CEP170: variants seen among roughly 807,000 people sequenced by gnomAD.
The protein encoded by CEP170 is centrosomal protein 170, also known as centrosomal protein of 170 kDa.
A neutral mutation model predicts 151.9 loss-of-function variants in CEP170; 21 were observed. The observed-to-expected ratio is 0.14, with a 90% CI of 0.10 to 0.20. The LOEUF is 0.20. CEP170 is among the 10% of genes least tolerant of loss of function. The pLI, the probability that CEP170 is intolerant of heterozygous loss-of-function variation, is 1.00. For synonymous variants in CEP170, 356 were observed against 648.8 expected (o/e 0.55, Z 6.86); for missense variants, 964 against 1,892.9 (o/e 0.51, Z 9.11).
chr1:243,221,063 C>A (rs185593576), intron 3 of CEP170, among the ~76,000 whole-genome samples: 1 of 152,016 alleles, frequency 6.6e-6, no homozygotes, highest in Non-Finnish European at 1.5e-5. Context: ...CTTGTTCTGT[C>A]GCCCAGGCTG....
chr1:243,137,731 C>T (rs1389384056), intron 16 of CEP170, among the ~76,000 whole-genome samples: 1 of 150,344 alleles, frequency 6.7e-6, no homozygotes, highest in Non-Finnish European at 1.5e-5. Context: ...GCGGAGATAG[C>T]ACCACTGCCC....
intron 3 of CEP170, among the ~76,000 whole-genome samples, chr1:243,212,906 A>G (rs1229846307): frequency 6.6e-6 from 1 of 152,062 alleles, no homozygotes; most frequent in Non-Finnish European, 1.5e-5. Flanking sequence ...CTCAAATGAT[A>G]TGCCCACTTT....
At chr1:243,189,420 G>A (rs1375821859) in intron 8 of CEP170, among the ~76,000 whole-genome samples, 1 of 151,890 alleles carries the variant, frequency 6.6e-6, no homozygotes, top group Admixed American at 6.6e-5. Context: ...GCCGGGTGTG[G>A]TGGTGGGCGC....
intron 4 of CEP170, among the ~76,000 whole-genome samples, chr1:243,202,886 G>A (rs767571720): frequency 2.6e-5 from 4 of 152,070 alleles, no homozygotes; most frequent in African/African-American, 4.8e-5. Flanking sequence ...GAGGGTTTTC[G>A]GGTGCTTCAA....
chr1:243,206,429 G>A (rs1394692415), intron 4 of CEP170, among the ~76,000 whole-genome samples: 3 of 152,328 alleles, frequency 2.0e-5, no homozygotes, highest in East Asian at 1.9e-4. Context: ...CACCATGCCC[G>A]GCCAATATTA....
chr1:243,247,974 C>G (rs958038192), intron 1 of CEP170, among the ~76,000 whole-genome samples: 14 of 152,178 alleles, frequency 9.2e-5, no homozygotes, highest in African/African-American at 3.4e-4. Context: ...TAAATTCTTC[C>G]TATGAAACAG....
intron 1 of CEP170, among the ~76,000 whole-genome samples, chr1:243,252,869 C>A (rs2066068222): frequency 6.6e-6 from 1 of 151,920 alleles, no homozygotes; most frequent in African/African-American, 2.4e-5. Context: ...CACTTTATGG[C>A]AAAATCAACC....
intron 1 of CEP170, among the ~76,000 whole-genome samples, chr1:243,228,012 T>C (rs2063444322): frequency 6.6e-6 from 1 of 152,186 alleles, no homozygotes. Flanking sequence ...AAAATAAGAA[T>C]AATGTCAGTT....
intron 1 of CEP170, among the ~76,000 whole-genome samples, chr1:243,228,909 A>C (rs2149044342): frequency 6.6e-6 from 1 of 152,272 alleles, no homozygotes; most frequent in South Asian, 2.1e-4. Flanking sequence ...TACAAACAAA[A>C]CACATTAATA....
chr1:243,245,074 G>A (rs1413857745), intron 1 of CEP170, among the ~76,000 whole-genome samples: 1 of 152,158 alleles, frequency 6.6e-6, no homozygotes, highest in Non-Finnish European at 1.5e-5. Context: ...GAGGGAAGCA[G>A]GGTGATACAA....
At chr1:243,207,570 T>G (rs576931611) in intron 4 of CEP170, among the ~76,000 whole-genome samples, 67 of 151,828 alleles carry the variant, frequency 4.4e-4, no homozygotes, top group African/African-American at 1.6e-3. Context: ...AACCCCCAAA[T>G]AGCAGAACGC....
intron 1 of CEP170, among the ~76,000 whole-genome samples, chr1:243,251,467 CTA>C (rs2065933696): frequency 6.6e-6 from 1 of 152,112 alleles, no homozygotes; most frequent in Non-Finnish European, 1.5e-5. Flanking sequence ...TTCACTAACT[CTA>C]TGCTTCAAAT....
intron 10 of CEP170, among the ~76,000 whole-genome samples, chr1:243,183,183 A>G (rs2059738293): frequency 6.6e-6 from 1 of 152,078 alleles, no homozygotes; most frequent in South Asian, 2.1e-4. Flanking sequence ...ACCTTCTCGT[A>G]GACACAAAGC....
chr1:243,163,340 T>G (rs1396322902), intron 13 of CEP170: 1 of 152,266 alleles, frequency 6.6e-6, no homozygotes, highest in East Asian at 1.9e-4. Flanking sequence ...CCTCCCACAC[T>G]GGCCTTTGCA....
chr1:243,215,437 G>C (rs538482258), intron 3 of CEP170, among the ~76,000 whole-genome samples: 6 of 152,278 alleles, frequency 3.9e-5, no homozygotes, highest in Admixed American at 1.3e-4. Context: ...CCCTGAGAAA[G>C]AGAATGCGTT....
intron 7 of CEP170, among the ~76,000 whole-genome samples, chr1:243,196,676 A>C (rs2148808136): frequency 6.6e-6 from 1 of 152,240 alleles, no homozygotes; most frequent in South Asian, 2.1e-4. Flanking sequence ...ATGTTTTCTT[A>C]ATCACCTAAT....
intron 1 of CEP170, among the ~76,000 whole-genome samples, chr1:243,254,835 G>T (rs1258451192): frequency 6.6e-6 from 1 of 151,668 alleles, no homozygotes; most frequent in East Asian, 2.0e-4. Flanking sequence ...CAAGCCCCGG[G>T]TCCCAGGCGG....
At chr1:243,154,093 T>G (rs1184816403) in intron 14 of CEP170, among the ~76,000 whole-genome samples, 2 of 152,250 alleles carry the variant, frequency 1.3e-5, no homozygotes, top group African/African-American at 4.8e-5. Flanking sequence ...AAATGGAGCT[T>G]GCTTTTGTGC....
chr1:243,191,485 A>G lies in CEP170; in HGVS notation c.641T>C (p.Ile214Thr), dbSNP rs1249452056. ...TTGTTCCTCAACTTGCTTGGCATCT[A>G]TGCCGCACCCTAATGAGAAAAATAA... is the stretch of plus-strand genomic sequence containing the variant. ...NHEAGTSGCG[I>T]DAKQVEEQSA... The change falls in exon 8 of 20, where the codon ATA becomes ACA. Residue 214 changes from isoleucine (I) to threonine (T), a missense_variant. By Grantham distance (89) the Ile-to-Thr change is moderately conservative. Coordinates refer to ENST00000366542, the MANE Select transcript of CEP170 (RefSeq NM_014812.3). The G allele has an allele frequency of 2.4e-6, 2 of 841,086 alleles. No homozygotes were observed. The highest frequency in any genetic ancestry group is 1.7e-5 in the South Asian group (1 of 57,336). 52.1% of individuals were successfully genotyped at this position (841,086 alleles called of 1,614,324 possible).
Sources: gnomAD v4.1 joint callset for allele counts (sites outside exome capture counted in the v4.1 genomes callset) on GRCh38, gnomAD v4.1.1 for gene constraint, MANE v1.5 for transcripts, NCBI Gene and HGNC (gene_info 2026-07-23, HGNC 2026-07-21) for gene names.